Variants in IP6K2 observed in about 807,000 individuals in gnomAD.
IP6K2 encodes the protein inositol hexakisphosphate kinase 2.
IP6K2 carries 9 observed loss-of-function variants against 43.3 expected under a neutral mutation model. The observed-to-expected ratio is 0.21, with a 90% CI of 0.13 to 0.36. The LOEUF (loss-of-function observed/expected upper bound fraction) is 0.36, where lower values mean the gene tolerates loss of function less well. IP6K2 is among the 10% of genes least tolerant of loss of function. The probability of loss-of-function intolerance (pLI) is 1.00; values close to 1 mark genes in which losing one functional copy is unlikely to be tolerated. For missense variants in IP6K2, 332 were observed against 538.4 expected, an observed-to-expected ratio of 0.62 and a Z score of 3.79; for synonymous variants, 209 against 202.4, an observed-to-expected ratio of 1.03 and a Z score of -0.28.
At chr3:48,693,434 AATT>A (rs1331688588) in intron 2 of IP6K2, 28 of 1,398,336 alleles carry the variant, frequency 2.0e-5, no homozygotes, top group Non-Finnish European at 2.5e-5. Context: ...AGAGCCAAAG[AATT>A]ACAAGACACA....
intron 3 of IP6K2, 71 bp downstream of exon 3, chr3:48,692,883 C>A: frequency 8.9e-7 from 1 of 1,126,160 alleles, no homozygotes; most frequent in East Asian, 2.3e-5. Context: ...CTCCAGGGAA[C>A]TGGGCTGTAA....
In IP6K2 at chr3:48,689,613, C is replaced by G; in HGVS notation, c.705G>C (p.Glu235Asp). 6.2e-7 allele frequency: 1 copy of G among 1,614,224 alleles called. No homozygotes were observed. Among genetic ancestry groups the G allele is most frequent in the Non-Finnish European group, 8.5e-7 (1 of 1,180,038 alleles). Reference sequence around the variant, plus strand: ...ATTTTCGGATCTGGTTGGCTGCCTTCTCCTCTGAAGCATCATCACCATGTT... The same window carrying G: ...ATTTTCGGATCTGGTTGGCTGCCTTGTCCTCTGAAGCATCATCACCATGTT... ...TRQHGDDASE[E>D]KAANQIRKCQ... The change falls in exon 5 of 6, where the codon GAG becomes GAC. Residue 235 changes from glutamate to aspartate, a missense_variant. Glu to Asp is a conservative substitution (Grantham distance 45). Coordinates refer to ENST00000328631, the MANE Select transcript of IP6K2 (RefSeq NM_016291.4).
chr3:48,694,070 G>A, intron 2 of IP6K2: 2 of 1,463,264 alleles, frequency 1.4e-6, no homozygotes, highest in East Asian at 5.0e-5. Flanking sequence ...GACTGCTGCA[G>A]GGGAATGCGT....
intron 1 of IP6K2, among the ~76,000 whole-genome samples, chr3:48,701,607 A>G (rs2079054981): frequency 6.6e-6 from 1 of 151,430 alleles, no homozygotes; most frequent in Admixed American, 6.6e-5. Context: ...ATTATACTTA[A>G]AAAGATCCTG....
At chr3:48,702,238 A>T (rs1575678280) in intron 1 of IP6K2, among the ~76,000 whole-genome samples, 1 of 152,178 alleles carries the variant, frequency 6.6e-6, no homozygotes, top group Non-Finnish European at 1.5e-5. Flanking sequence ...GTCAAAAAAA[A>T]ATAAAATAAA....
At chr3:48,693,284 T>C in intron 2 of IP6K2, 105 bp from the exon 3 acceptor site, 1 of 1,181,838 alleles carries the variant, frequency 8.5e-7, no homozygotes, top group Non-Finnish European at 1.3e-6. Context: ...TTCCTTAGTC[T>C]CTATGTTGCC....
Position 48,688,813 on chromosome 3 carries a change from T to C in IP6K2, c.781-40A>G. The stretch of plus-strand genomic sequence containing the variant: ...CCAGCAAGTCAGGGGCTGAGGGCCA[T>C]CTCAAACCCTGGACCCCGGGCGGGG... On this transcript the variant is annotated intron_variant, in intron 5 of 5. Coordinates refer to ENST00000328631, the MANE Select transcript of IP6K2 (RefSeq NM_016291.4). The surrounding 1 kb of genome is among the most constrained non-coding windows in gnomAD (Gnocchi z 5.1). The C allele has an allele frequency of 6.4e-7, 1 of 1,562,244 alleles. No homozygotes were observed. The highest frequency in any genetic ancestry group is 8.7e-7 in the Non-Finnish European group (1 of 1,153,688).
At position 48,689,612 on chromosome 3, in the gene IP6K2, TCTC is replaced by T. The variant is rs2077597643; in HGVS notation, c.703_705del (p.Glu235del). The T allele has an allele frequency of 6.2e-7, 1 of 1,614,200 alleles. No individual in the cohort carries two copies. The highest frequency in any genetic ancestry group is 8.5e-7 in the Non-Finnish European group (1 of 1,180,030). Reference sequence around the variant, plus strand: ...CATTTTCGGATCTGGTTGGCTGCCTTCTCCTCTGAAGCATCATCACCATGTTGT... The same window carrying T: ...CATTTTCGGATCTGGTTGGCTGCCTTCTCTGAAGCATCATCACCATGTTGT... On this transcript the variant is annotated inframe_deletion, in exon 5 of 6. Transcript: ENST00000328631.
intron 1 of IP6K2, among the ~76,000 whole-genome samples, chr3:48,709,621 G>A (rs1231968190): frequency 2.0e-5 from 3 of 152,102 alleles, no homozygotes; most frequent in African/African-American, 7.2e-5. Context: ...GGCAGATCAC[G>A]AGGTCAGGAG....
At chr3:48,713,716 G>C (rs1312553813) in intron 1 of IP6K2, among the ~76,000 whole-genome samples, 2 of 151,020 alleles carry the variant, frequency 1.3e-5, no homozygotes, top group African/African-American at 4.9e-5. Context: ...CCAGCTACTC[G>C]GGAGGCTGAG....
At chr3:48,715,299 A>T (rs556709312) in intron 1 of IP6K2, 2 of 1,535,978 alleles carry the variant, frequency 1.3e-6, no homozygotes, top group East Asian at 4.9e-5. Flanking sequence ...TGAGCCAAAC[A>T]ATGGAAAATT....
chr3:48,705,007 T>C (rs1214974584), intron 1 of IP6K2, among the ~76,000 whole-genome samples: 2 of 152,060 alleles, frequency 1.3e-5, no homozygotes, highest in African/African-American at 4.8e-5. Flanking sequence ...AGTGGCGCAT[T>C]CTCAGCTCAC....
chr3:48,696,444 C>T (rs975293260), intron 1 of IP6K2, among the ~76,000 whole-genome samples: 1 of 152,116 alleles, frequency 6.6e-6, no homozygotes, highest in Non-Finnish European at 1.5e-5. Flanking sequence ...CTATTTTTAT[C>T]AGTTCTATCC....
At chr3:48,697,687 T>TA (rs35941761) in intron 1 of IP6K2, among the ~76,000 whole-genome samples, 14 of 150,834 alleles carry the variant, frequency 9.3e-5, no homozygotes, top group Non-Finnish European at 1.8e-4. Flanking sequence ...ACTGTTTTCT[T>TA]AAAAAAAAGT....
intron 5 of IP6K2, among the ~76,000 whole-genome samples, chr3:48,689,046 A>G (rs1236019370): frequency 6.6e-6 from 1 of 152,206 alleles, no homozygotes; most frequent in African/African-American, 2.4e-5. Flanking sequence ...CCTCCCTACT[A>G]CTATCCACAG....
chr3:48,694,002 T>G, intron 2 of IP6K2: 1 of 1,386,158 alleles, frequency 7.2e-7, no homozygotes, highest in Non-Finnish European at 9.4e-7. Context: ...AACGACTGGC[T>G]GAACACCTTT....
chr3:48,691,334 C>T lies in IP6K2; in HGVS notation c.577G>A (p.Glu193Lys), dbSNP rs758037114. 6.2e-7 allele frequency: 1 copy of T among 1,613,944 alleles called. No homozygotes were observed. Among genetic ancestry groups the T allele is most frequent in the South Asian group, 1.1e-5 (1 of 91,052 alleles). Reference protein sequence around the residue: ...CHQQQLQRMKENAKHRNQYKF... With the variant: ...CHQQQLQRMKKNAKHRNQYKF... The stretch of plus-strand genomic sequence containing the variant: ...TACTGGTTCCGATGCTTTGCATTCT[C>T]CTTCATTCTCTGTAACTGTTGCTGG... The change falls in exon 4 of 6, where the codon GAG (glutamate) becomes AAG (lysine). Residue 193 changes from glutamate (E) to lysine (K), a missense_variant. Physicochemically the swap from Glu to Lys is moderately conservative, Grantham distance 56. Transcript: ENST00000328631.
chr3:48,689,663 G>A lies in IP6K2; in HGVS notation c.655C>T (p.Leu219Phe). Residue 219 changes from leucine (L) to phenylalanine (F), a missense_variant, in exon 5 of 6, where the codon CTT becomes TTT. Transcript: ENST00000328631. ...TGTCGTGTGCCCATCTTGAGGTCAA[G>A]GACACAAGGCACCTCGTAGCGGGAA... The part of the protein sequence containing the change: ...LTSRYEVPCV[L>F]DLKMGTRQHG... The A allele has an allele frequency of 6.2e-7, 1 of 1,614,132 alleles. No individual in the cohort carries two copies. Among genetic ancestry groups the A allele is most frequent in the Non-Finnish European group, 8.5e-7 (1 of 1,179,998 alleles).
intron 1 of IP6K2, among the ~76,000 whole-genome samples, chr3:48,700,339 C>T (rs1264488523): frequency 2.6e-5 from 4 of 152,144 alleles, no homozygotes; most frequent in Admixed American, 1.3e-4. Context: ...ACCTGTTTCT[C>T]TCTCTCTCTT....
Sources: allele counts gnomAD v4.1 joint callset (sites outside exome capture counted in the v4.1 genomes callset), GRCh38; gene constraint gnomAD v4.1.1; non-coding constraint Gnocchi (gnomAD v3.1); transcripts MANE v1.5; gene names NCBI Gene and HGNC (gene_info 2026-07-23, HGNC 2026-07-21).